Variants in NAALADL2 observed in about 807,000 individuals in gnomAD.
The protein encoded by NAALADL2 is inactive N-acetylated-alpha-linked acidic dipeptidase-like protein 2.
NAALADL2 carries 76 observed loss-of-function variants against 87.2 expected under a neutral mutation model. The ratio of observed to expected loss-of-function variants is 0.87; its 90% confidence interval spans 0.72 to 1.05. The LOEUF (loss-of-function observed/expected upper bound fraction) is 1.05, where lower values mean the gene tolerates loss of function less well. NAALADL2 is among the 50% of genes least tolerant of loss of function. The probability of loss-of-function intolerance (pLI) is 0.00; values close to 1 mark genes in which losing one functional copy is unlikely to be tolerated. For synonymous variants in NAALADL2, 354 were observed against 331.0 expected, an observed-to-expected ratio of 1.07 and a Z score of -0.75; for missense variants, 1,089 against 945.8, an observed-to-expected ratio of 1.15 and a Z score of -1.99.
chr3:174,949,785 CA>C (rs1389791045), intron 1 of NAALADL2, among the ~76,000 whole-genome samples: 2 of 152,186 alleles, frequency 1.3e-5, no homozygotes, highest in African/African-American at 4.8e-5. Context: ...GCTAAACATT[CA>C]ACAACAGAAT....
intron 1 of NAALADL2, among the ~76,000 whole-genome samples, chr3:175,094,757 A>AGTGTGTGTGTGTGTGTGT (rs369083345): frequency 7.9e-6 from 1 of 125,968 alleles, no homozygotes; most frequent in Non-Finnish European, 1.8e-5. Flanking sequence ...CAGACACTAT[A>AGTGTGTGTGTGTGTGTGT]GTGTGTGTGT....
intron 5 of NAALADL2, among the ~76,000 whole-genome samples, chr3:175,340,228 T>A (rs541017178): frequency 6.6e-6 from 1 of 152,312 alleles, no homozygotes; most frequent in East Asian, 1.9e-4. Context: ...TACAAATTTA[T>A]AAATGTTCGA....
chr3:175,310,529 G>T (rs1581363367), intron 4 of NAALADL2, among the ~76,000 whole-genome samples: 1 of 151,812 alleles, frequency 6.6e-6, no homozygotes, highest in Non-Finnish European at 1.5e-5. Context: ...ATACTTATTA[G>T]TTATTATCTG....
At chr3:174,859,568 G>T in intron 1 of NAALADL2, 118 bp downstream of exon 1, 5 of 761,550 alleles carry the variant, frequency 6.6e-6, no homozygotes. Flanking sequence ...TGCATGTTCA[G>T]GTGCCCTGGC....
intron 11 of NAALADL2, among the ~76,000 whole-genome samples, chr3:175,684,206 C>T (rs1735973922): frequency 6.6e-6 from 1 of 151,542 alleles, no homozygotes; most frequent in Admixed American, 6.6e-5. Flanking sequence ...AAAAATATGC[C>T]ATGCTGTCTG....
intron 4 of NAALADL2, among the ~76,000 whole-genome samples, chr3:175,300,270 C>A (rs866431192): frequency 5.9e-5 from 9 of 152,110 alleles, no homozygotes; most frequent in African/African-American, 1.7e-4. Flanking sequence ...TGTGTCTCTG[C>A]TAGGTTTTCG....
chr3:174,945,416 C>G (rs12696371), intron 1 of NAALADL2, among the ~76,000 whole-genome samples: 119,979 of 152,078 alleles, frequency 0.79, 48,025 homozygotes, highest in African/African-American at 0.85. Flanking sequence ...TGCCTATTAT[C>G]TGAGATTTGG....
chr3:174,876,037 A>G (rs186557226), intron 1 of NAALADL2, among the ~76,000 whole-genome samples: 2 of 152,250 alleles, frequency 1.3e-5, no homozygotes, highest in Admixed American at 1.3e-4. Context: ...ATTATACAAA[A>G]CAGTATTTTA....
chr3:175,134,765 A>G (rs1027589643), intron 2 of NAALADL2, among the ~76,000 whole-genome samples: 2 of 152,170 alleles, frequency 1.3e-5, no homozygotes, highest in African/African-American at 2.4e-5. Context: ...TTTCTTAAAC[A>G]TTCTCCCACC....
chr3:174,649,002 CTT>C (rs1397235757), intron 2 of NAALADL2, among the ~76,000 whole-genome samples: 2 of 152,082 alleles, frequency 1.3e-5, no homozygotes, highest in African/African-American at 4.8e-5. Flanking sequence ...GAATTTCACT[CTT>C]ATCGCCCAGG....
intron 3 of NAALADL2, among the ~76,000 whole-genome samples, chr3:174,752,678 C>T (rs576243716): frequency 5.3e-5 from 8 of 151,440 alleles, no homozygotes; most frequent in African/African-American, 1.9e-4. Flanking sequence ...GTGTAATATC[C>T]CATTCCTTTT....
At chr3:174,648,209 G>A (rs1433435381) in intron 2 of NAALADL2, among the ~76,000 whole-genome samples, 2 of 152,076 alleles carry the variant, frequency 1.3e-5, no homozygotes, top group Non-Finnish European at 2.9e-5. Flanking sequence ...TGCAATCCCA[G>A]CTCCTTGGGA....
intron 13 of NAALADL2, among the ~76,000 whole-genome samples, chr3:175,801,783 G>T (rs936062348): frequency 2.0e-5 from 3 of 152,072 alleles, no homozygotes; most frequent in African/African-American, 4.8e-5. Flanking sequence ...ATAAGACAAT[G>T]ATGCAATAAT....
At chr3:174,896,000 TAAA>T (rs527882943) in intron 1 of NAALADL2, among the ~76,000 whole-genome samples, 9 of 151,436 alleles carry the variant, frequency 5.9e-5, no homozygotes, top group African/African-American at 2.2e-4. Context: ...CGTTACATGA[TAAA>T]AAAAAATCTT....
chr3:175,598,677 C>T (rs1343814708), intron 10 of NAALADL2, among the ~76,000 whole-genome samples: 1 of 152,120 alleles, frequency 6.6e-6, no homozygotes, highest in East Asian at 1.9e-4. Flanking sequence ...ACAACTCCAG[C>T]TGCAATAGCC....
intron 1 of NAALADL2, among the ~76,000 whole-genome samples, chr3:174,939,439 A>T (rs1738233561): frequency 6.6e-6 from 1 of 151,952 alleles, no homozygotes; most frequent in African/African-American, 2.4e-5. Flanking sequence ...GTAGGGTAAT[A>T]TGATGCCTTC....
chr3:175,199,833 TATATATATA>T lies in NAALADL2; in HGVS notation c.546-34097_546-34089del, dbSNP rs1309528988. On this transcript the variant is annotated intron_variant, in intron 2 of 13. Coordinates refer to ENST00000454872, the MANE Select transcript of NAALADL2 (RefSeq NM_207015.3). ...GGGGGGAAAGAAATATATATATATA[TATATATATA>T]TATATATATATATATATATATATTT... Among the ~76,000 whole-genome samples the T allele has an allele frequency of 7.3e-3, 88 of 12,026 alleles. 2 individuals are homozygous for T. The highest frequency in any genetic ancestry group is 0.01 in the Non-Finnish European group (67 of 6,456). The allele number at this position is 12,026 out of a possible 152,430, so 7.9% of individuals were successfully genotyped here.
intron 5 of NAALADL2, among the ~76,000 whole-genome samples, chr3:175,434,600 G>C (rs1323498920): frequency 1.3e-5 from 2 of 152,106 alleles, no homozygotes; most frequent in South Asian, 2.1e-4. Flanking sequence ...GTGTGCTTAT[G>C]ATCTGGTATG....
chr3:175,588,348 TA>T (rs1720845415), intron 10 of NAALADL2, among the ~76,000 whole-genome samples: 2 of 152,000 alleles, frequency 1.3e-5, no homozygotes, highest in African/African-American at 4.8e-5. Flanking sequence ...ACCTGTGAGG[TA>T]CTCAATACAG....
Sources: allele counts gnomAD v4.1 joint callset (sites outside exome capture counted in the v4.1 genomes callset), GRCh38; gene constraint gnomAD v4.1.1; transcripts MANE v1.5; gene names NCBI Gene and HGNC (gene_info 2026-07-23, HGNC 2026-07-21).